SYT1: variants seen among roughly 807,000 people sequenced by gnomAD.
SYT1 encodes synaptotagmin-1.
SYT1 carries 8 observed loss-of-function variants against 44.8 expected under a neutral mutation model. The ratio of observed to expected loss-of-function variants is 0.18; its 90% CI spans 0.10 to 0.32. The LOEUF (loss-of-function observed/expected upper bound fraction) is 0.32, where lower values mean the gene tolerates loss of function less well. SYT1 is among the 10% of genes least tolerant of loss of function. The pLI, the probability that SYT1 is intolerant of heterozygous loss-of-function variation, is 1.00. For missense variants in SYT1, 286 were observed against 509.3 expected (o/e 0.56, Z 4.22); for synonymous variants, 154 against 188.8 (o/e 0.82, Z 1.51).
At chr12:78,947,870 T>C (rs1036294477) in intron 1 of SYT1, among the ~76,000 whole-genome samples, 3 of 151,942 alleles carry the variant, frequency 2.0e-5, no homozygotes, top group Non-Finnish European at 4.4e-5. Flanking sequence ...TATAAGTCTT[T>C]TATATAAACC....
intron 1 of SYT1, among the ~76,000 whole-genome samples, chr12:78,925,790 CT>C (rs1877271792): frequency 1.3e-5 from 2 of 151,914 alleles, no homozygotes; most frequent in South Asian, 4.1e-4. Flanking sequence ...TACTTCATAC[CT>C]TTTTCTCAAT....
chr12:79,415,134 A>G (rs1334338174), intron 9 of SYT1, among the ~76,000 whole-genome samples: 1 of 152,100 alleles, frequency 6.6e-6, no homozygotes, highest in African/African-American at 2.4e-5. Context: ...TATAAAAGTA[A>G]TATGTGTTTA....
chr12:78,931,317 G>A (rs1377310283), intron 1 of SYT1, among the ~76,000 whole-genome samples: 15 of 24,204 alleles, frequency 6.2e-4, no homozygotes, highest in Non-Finnish European at 5.8e-4. Flanking sequence ...GAGAGGGAGG[G>A]AGGGAGGGAG....
chr12:78,941,511 C>T (rs1412740668), intron 1 of SYT1, among the ~76,000 whole-genome samples: 1 of 151,740 alleles, frequency 6.6e-6, no homozygotes, highest in Non-Finnish European at 1.5e-5. Flanking sequence ...TTATATTTTA[C>T]ATCTACTGCA....
At chr12:78,957,849 C>A (rs564854893) in intron 1 of SYT1, among the ~76,000 whole-genome samples, 1 of 152,114 alleles carries the variant, frequency 6.6e-6, no homozygotes, top group East Asian at 1.9e-4. Flanking sequence ...AAATCAGTAA[C>A]ATTATACCAA....
chr12:79,245,658 C>T (rs574229951), intron 4 of SYT1, among the ~76,000 whole-genome samples: 1 of 151,948 alleles, frequency 6.6e-6, no homozygotes, highest in Admixed American at 6.6e-5. Flanking sequence ...GAGACCAAAG[C>T]AAGCTGTTCT....
At chr12:78,921,982 C>A (rs529130318) in intron 1 of SYT1, among the ~76,000 whole-genome samples, 1 of 125,120 alleles carries the variant, frequency 8.0e-6, no homozygotes, top group African/African-American at 2.8e-5. Flanking sequence ...AAATCAAATA[C>A]CTTTAAAGAA....
At chr12:79,115,331 A>T (rs1219824114) in intron 3 of SYT1, among the ~76,000 whole-genome samples, 1 of 152,176 alleles carries the variant, frequency 6.6e-6, no homozygotes, top group Non-Finnish European at 1.5e-5. Flanking sequence ...GTTCAATCAC[A>T]CTTACATAGT....
chr12:79,051,050 A>G (rs1874443737), intron 3 of SYT1, among the ~76,000 whole-genome samples: 1 of 151,854 alleles, frequency 6.6e-6, no homozygotes, highest in African/African-American at 2.4e-5. Context: ...GAATTGAAAA[A>G]AAAATCTGTG....
At chr12:79,345,052 T>C (rs1449368733) in intron 8 of SYT1, among the ~76,000 whole-genome samples, 1 of 152,166 alleles carries the variant, frequency 6.6e-6, no homozygotes, top group African/African-American at 2.4e-5. Flanking sequence ...ACTCATGCCC[T>C]CTTGTGGACA....
At chr12:79,053,234 ATTCT>A (rs1874657981) in intron 3 of SYT1, among the ~76,000 whole-genome samples, 1 of 152,146 alleles carries the variant, frequency 6.6e-6, no homozygotes, top group South Asian at 2.1e-4. Flanking sequence ...GGAAACCATC[ATTCT>A]CAGCAAACTA....
At chr12:79,196,792 C>T (rs902393982) in intron 3 of SYT1, among the ~76,000 whole-genome samples, 4 of 152,122 alleles carry the variant, frequency 2.6e-5, no homozygotes, top group African/African-American at 7.2e-5. Flanking sequence ...ACAATTAGTT[C>T]CAGTTTCTAC....
intron 2 of SYT1, among the ~76,000 whole-genome samples, chr12:78,999,595 A>G (rs752794828): frequency 2.0e-5 from 3 of 152,208 alleles, no homozygotes; most frequent in Non-Finnish European, 2.9e-5. Context: ...TGTGATTAAT[A>G]GCAACTGGAA....
At chr12:79,302,673 G>T (rs1880204762) in intron 8 of SYT1, among the ~76,000 whole-genome samples, 1 of 152,086 alleles carries the variant, frequency 6.6e-6, no homozygotes, top group African/African-American at 2.4e-5. Context: ...TCACTGGTGA[G>T]GTTTCCATTT....
At chr12:79,364,131 G>A (rs910002750) in intron 9 of SYT1, among the ~76,000 whole-genome samples, 5 of 151,652 alleles carry the variant, frequency 3.3e-5, no homozygotes, top group South Asian at 4.2e-4. Flanking sequence ...TAGAAATATC[G>A]GCTCATAAAT....
chr12:79,231,078 A>T (rs1429617741), intron 4 of SYT1, among the ~76,000 whole-genome samples: 1 of 152,144 alleles, frequency 6.6e-6, no homozygotes, highest in East Asian at 1.9e-4. Context: ...GTTTCTCCTC[A>T]CTCATGACTA....
At chr12:78,934,986 G>GAAAT (rs1877973519) in intron 1 of SYT1, among the ~76,000 whole-genome samples, 1 of 152,162 alleles carries the variant, frequency 6.6e-6, no homozygotes, top group African/African-American at 2.4e-5. Context: ...GTGCTCCACG[G>GAAAT]AAATCATGCC....
At chr12:79,146,204 A>G (rs1260684317) in intron 3 of SYT1, among the ~76,000 whole-genome samples, 2 of 152,172 alleles carry the variant, frequency 1.3e-5, no homozygotes, top group Non-Finnish European at 2.9e-5. Context: ...AGCCCTAAAC[A>G]TATTCCCACA....
chr12:79,280,501 A>G (rs952223649), intron 4 of SYT1, among the ~76,000 whole-genome samples: 1 of 151,980 alleles, frequency 6.6e-6, no homozygotes, highest in Non-Finnish European at 1.5e-5. Context: ...AAAAAAATTA[A>G]CACAACTTGG....
Sources: gnomAD v4.1 joint callset for allele counts (sites outside exome capture counted in the v4.1 genomes callset) on GRCh38, gnomAD v4.1.1 for gene constraint, MANE v1.5 for transcripts, NCBI Gene and HGNC (gene_info 2026-07-23, HGNC 2026-07-21) for gene names.